LTBP3: variants seen among roughly 807,000 people sequenced by gnomAD.
LTBP3 encodes latent-transforming growth factor beta-binding protein 3.
In LTBP3, 97 loss-of-function variants were observed where a neutral mutation model predicts 159.7. The observed-to-expected ratio is 0.61, with a 90% CI of 0.52 to 0.72. The LOEUF (loss-of-function observed/expected upper bound fraction) is 0.72. LTBP3 is among the 30% of genes least tolerant of loss of function. LTBP3 has a pLI of 0.00. For missense variants in LTBP3, 1,584 were observed against 1,864.3 expected, an observed-to-expected ratio of 0.85 and a Z score of 2.77; for synonymous variants, 824 against 777.1, an observed-to-expected ratio of 1.06 and a Z score of -1.00.
intron 21 of LTBP3, 40 bp from the exon 22 acceptor site, chr11:65,540,654 T>C: frequency 2.0e-6 from 3 of 1,514,598 alleles, no homozygotes; most frequent in Non-Finnish European, 2.7e-6. Flanking sequence ...GTCCCGCAGC[T>C]GCAGCCCGGA....
In LTBP3 at chr11:65,546,387, C is replaced by T. The variant is rs2135138006; in HGVS notation, c.2353+55G>A. ...TTTACAGACAGCGTGACCCGCTCCC[C>T]GGCTTCAGCGCGTAGGGGGCGGCGG... On this transcript the variant is annotated intron_variant, in intron 16 of 27. Transcript: ENST00000301873. The surrounding 1 kb of genome is among the most constrained non-coding windows in gnomAD (Gnocchi z 4.0). 3.4e-6 allele frequency: 5 copies of T among 1,487,884 alleles called. No individual in the cohort carries two copies. Among genetic ancestry groups the T allele is most frequent in the South Asian group, 1.3e-5 (1 of 76,118 alleles). The allele number at this position is 1,487,884 out of a possible 1,614,324, so 92.2% of individuals were successfully genotyped here. A position where few individuals can be genotyped will look rare whatever the true frequency, so the allele number is the denominator to read the frequency against.
Position 65,552,207 on chromosome 11 carries a change from A to G in LTBP3, c.1345+41T>C, listed in dbSNP as rs1856635537. On this transcript the variant is annotated intron_variant, in intron 7 of 27. Coordinates refer to ENST00000301873, the MANE Select transcript of LTBP3 (RefSeq NM_001130144.3). This position sits in a 1 kb window ranked among gnomAD's most constrained non-coding sequence, Gnocchi z 6.0. ...AAGTGAGCATTTCCTGGACAGGTGC[A>G]TGGACCTATGAACCCCTATCCCCGG... is the stretch of plus-strand genomic sequence containing the variant. 2 of 1,614,184 alleles carry G rather than the reference A, an allele frequency of 1.2e-6. No individual in the cohort carries two copies. Among genetic ancestry groups the G allele is most frequent in the African/African-American group, 1.3e-5 (1 of 75,042 alleles).
At position 65,540,825 on chromosome 11, in the gene LTBP3, C is replaced by T. The variant is rs1389509774; in HGVS notation, c.2977+46G>A. ...CCCGGCGGGATCCGGGCGAGCCCAA[C>T]CCGGGGTGAGAGGGCGCGGGGCGGG... is the stretch of plus-strand genomic sequence containing the variant. On this transcript the variant is annotated intron_variant, in intron 21 of 27. Transcript: ENST00000301873. The T allele has an allele frequency of 9.6e-6, 15 of 1,570,030 alleles. No individual in the cohort carries two copies. In the Admixed American group the frequency reaches 2.6e-4, roughly 27 times the overall value.
At chr11:65,540,746 T>TACAGGGCGGGGCCG (rs1856090917) in intron 21 of LTBP3, 125 bp downstream of exon 21, 2 of 1,013,324 alleles carry the variant, frequency 2.0e-6, no homozygotes, top group Non-Finnish European at 2.7e-6. Context: ...GGGCGGGGCC[T>TACAGGGCGGGGCCG]GCGAGGAAGG....
chr11:65,539,071 T>G lies in LTBP3; in HGVS notation c.*9A>C, dbSNP rs1185624041. 8.0e-6 allele frequency: 11 copies of G among 1,371,862 alleles called. No homozygotes were observed. The South Asian group carries it at 1.4e-4, about 18-fold the overall frequency. The allele number at this position is 1,371,862 out of a possible 1,614,324, so 85.0% of individuals were successfully genotyped here. On this transcript the variant is annotated 3_prime_UTR_variant, in exon 28 of 28. Coordinates refer to ENST00000301873, the MANE Select transcript of LTBP3 (RefSeq NM_001130144.3). ...ACCGAGGTCTGGGCCGAGGGCGGCG[T>G]CGGCGGCGTCAGCGGCGGCGCTGGG... is the stretch of plus-strand genomic sequence containing the variant.
At chr11:65,544,453 A>T (rs1317107466) in intron 16 of LTBP3, 1 of 152,454 alleles carries the variant, frequency 6.6e-6, no homozygotes, top group Admixed American at 6.5e-5. Context: ...GGCAATGCCC[A>T]GTCTCTGGTC....
intron 18 of LTBP3, 136 bp from the exon 19 acceptor site, chr11:65,541,864 C>CTGTGCATGTGTCTGAA (rs1446801254): frequency 2.1e-6 from 2 of 971,318 alleles, no homozygotes; most frequent in African/African-American, 3.2e-5. Context: ...TCTGCTGTGT[C>CTGTGCATGTGTCTGAA]TGTGCATGTG....
At chr11:65,541,373 TC>T (rs1856130724) in intron 19 of LTBP3, 80 bp from the exon 20 acceptor site, 4 of 1,540,402 alleles carry the variant, frequency 2.6e-6, no homozygotes, top group Middle Eastern at 2.3e-4. Flanking sequence ...CACAGGTCTT[TC>T]CCCCCACATT....
At chr11:65,542,964 G>GGATA in intron 18 of LTBP3, 141 bp downstream of exon 18, 1 of 1,067,014 alleles carries the variant, frequency 9.4e-7, no homozygotes, top group Non-Finnish European at 1.4e-6. Flanking sequence ...ATGGATGGAT[G>GGATA]GATGGATGGA....
Position 65,538,853 on chromosome 11 carries a change from A to C in LTBP3, c.*227T>G. On this transcript the variant is annotated 3_prime_UTR_variant, in exon 28 of 28. Transcript: ENST00000301873. ...CGATCTGATTTATCAGTTTCTAGGAAACACCCTCTGGGAGGAAGGCAGGCA... is the reference window on the plus strand; with the variant it reads ...CGATCTGATTTATCAGTTTCTAGGACACACCCTCTGGGAGGAAGGCAGGCA... The C allele has an allele frequency of 1.2e-6, 1 of 855,386 alleles. No homozygotes were observed. Among genetic ancestry groups the C allele is most frequent in the East Asian group, 3.2e-5 (1 of 31,534 alleles). The allele number at this position is 855,386 out of a possible 1,614,324, so 53.0% of individuals were successfully genotyped here.
rs377361170 is a variant in LTBP3, at chr11:65,539,711, C to A, written c.3547+9G>T. On this transcript the variant is annotated intron_variant, in intron 25 of 27. Coordinates refer to ENST00000301873, the MANE Select transcript of LTBP3 (RefSeq NM_001130144.3). Reference sequence around the variant, plus strand: ...TCGCTCCCGGCCAACTCCTCCCCGACTGCCTTACCCGCGCCGCGCGGCGGG... The same window carrying A: ...TCGCTCCCGGCCAACTCCTCCCCGAATGCCTTACCCGCGCCGCGCGGCGGG... 2.5e-5 allele frequency: 39 copies of A among 1,558,596 alleles called. No homozygotes were observed. Among genetic ancestry groups the A allele is most frequent in the Non-Finnish European group, 3.3e-5 (38 of 1,159,018 alleles).
At position 65,552,681 on chromosome 11, in the gene LTBP3, G is replaced by A. The variant is rs1856653530; in HGVS notation, c.1186+179C>T. 1.3e-5 allele frequency among the ~76,000 whole-genome samples: 2 copies of A among 152,150 alleles called. No homozygotes were observed. Among genetic ancestry groups the A allele is most frequent in the South Asian group, 4.1e-4 (2 of 4,826 alleles). Reference sequence around the variant, plus strand: ...GACTCTATGTAATCCCTGACCCCATGTGACTGCTAATGGCAGATCTCATGT... The same window carrying A: ...GACTCTATGTAATCCCTGACCCCATATGACTGCTAATGGCAGATCTCATGT... On this transcript the variant is annotated intron_variant, in intron 6 of 27. Transcript: ENST00000301873. The surrounding 1 kb of genome is among the most constrained non-coding windows in gnomAD (Gnocchi z 6.0).
In LTBP3 at chr11:65,552,925, G is replaced by C; in HGVS notation, c.1121C>G (p.Pro374Arg). Residue 374 changes from proline (P) to arginine (R), a missense_variant, in exon 6 of 28, where the codon CCT becomes CGT. Coordinates refer to ENST00000301873, the MANE Select transcript of LTBP3 (RefSeq NM_001130144.3). The surrounding 1 kb of genome is among the most constrained non-coding windows in gnomAD (Gnocchi z 6.0). ...TGGGCAGACACAGCGATAGGAGCCA[G>C]GGTTGTTGAGGCAGTCACCATGGCG... ...VCRHGDCLNN[P>R]GSYRCVCPPG... 6.2e-7 allele frequency: 1 copy of C among 1,614,236 alleles called. No homozygotes were observed. Among genetic ancestry groups the C allele is most frequent in the Non-Finnish European group, 8.5e-7 (1 of 1,180,030 alleles).
chr11:65,553,516 G>A lies in LTBP3; in HGVS notation c.879C>T (p.Pro293=). The change falls in exon 4 of 28, where the codon CCC becomes CCT. Residue 293 remains proline, a synonymous_variant. Transcript: ENST00000301873. The surrounding 1 kb of genome is among the most constrained non-coding windows in gnomAD (Gnocchi z 6.5). The part of the protein sequence containing the change: ...TLPKQPCGSN[P]LPGLTKQEDC... ...CTTCCTGCTTGGTGAGGCCGGGGAGGGGGTTGCTGCCACACTAGGGGAAGG... is the reference window on the plus strand; with the variant it reads ...CTTCCTGCTTGGTGAGGCCGGGGAGAGGGTTGCTGCCACACTAGGGGAAGG... The A allele has an allele frequency of 1.9e-6, 3 of 1,611,108 alleles. No homozygotes were observed. Among genetic ancestry groups the A allele is most frequent in the Non-Finnish European group, 2.5e-6 (3 of 1,178,830 alleles).
Position 65,546,975 on chromosome 11 carries a change from G to A in LTBP3, c.2108-55C>T. On this transcript the variant is annotated intron_variant, in intron 14 of 27. Transcript: ENST00000301873. The surrounding 1 kb of genome is among the most constrained non-coding windows in gnomAD (Gnocchi z 4.0). ...ATCTGGGGACAACGCGGGTGGCCCG[G>A]CTCCCAGCGTCCACAGCAGGGACTT... 1 of 1,602,000 alleles carries A rather than the reference G, an allele frequency of 6.2e-7. No homozygotes were observed. The highest frequency in any genetic ancestry group is 1.7e-4 in the Middle Eastern group (1 of 6,054).
rs765058847 is a variant in LTBP3, at chr11:65,541,116, G to A, written c.2893+10C>T. 6.8e-6 allele frequency: 11 copies of A among 1,611,528 alleles called. No individual in the cohort carries two copies. Among genetic ancestry groups the A allele is most frequent in the African/African-American group, 1.3e-5 (1 of 75,024 alleles). On this transcript the variant is annotated intron_variant, in intron 20 of 27. Coordinates refer to ENST00000301873, the MANE Select transcript of LTBP3 (RefSeq NM_001130144.3). Reference sequence around the variant, plus strand: ...TGAAGATCTGGGAAGGGGCCTGCCCGGCTCCTGACCTGAGCTGTAGACTGG... The same window carrying A: ...TGAAGATCTGGGAAGGGGCCTGCCCAGCTCCTGACCTGAGCTGTAGACTGG...
chr11:65,541,800 A>G, intron 18 of LTBP3, 72 bp from the exon 19 acceptor site: 1 of 1,569,254 alleles, frequency 6.4e-7, no homozygotes, highest in African/African-American at 1.4e-5. Flanking sequence ...AGGGCCTCAC[A>G]CAAGTTCAGA....
At chr11:65,551,840 G>T in intron 8 of LTBP3, 132 bp downstream of exon 8, 2 of 1,113,802 alleles carry the variant, frequency 1.8e-6, no homozygotes, top group South Asian at 1.3e-5. Context: ...AGGGTCAGGT[G>T]GGAGGTCAGT....
In LTBP3 at chr11:65,541,680, G is replaced by A; in HGVS notation, c.2645C>T (p.Ala882Val). 6.2e-7 allele frequency: 1 copy of A among 1,614,100 alleles called. No individual in the cohort carries two copies. Among genetic ancestry groups the A allele is most frequent in the Non-Finnish European group, 8.5e-7 (1 of 1,179,988 alleles). The change falls in exon 19 of 28, where the codon GCC (alanine) becomes GTC (valine). Residue 882 changes from alanine (A) to valine (V), a missense_variant. Ala to Val is a moderately conservative substitution (Grantham distance 64). Coordinates refer to ENST00000301873, the MANE Select transcript of LTBP3 (RefSeq NM_001130144.3). ...QDPSLCLPHGACKNLQGSYVC... is the reference protein window; with the variant it reads ...QDPSLCLPHGVCKNLQGSYVC... ...ATAGGAGCCCTGAAGGTTCTTGCAG[G>A]CCCCATGGGGAAGGCACAGGCTCGG... is the stretch of plus-strand genomic sequence containing the variant.
Sources: allele counts gnomAD v4.1 joint callset (sites outside exome capture counted in the v4.1 genomes callset), GRCh38; gene constraint gnomAD v4.1.1; non-coding constraint Gnocchi (gnomAD v3.1); transcripts MANE v1.5; gene names NCBI Gene and HGNC (gene_info 2026-07-23, HGNC 2026-07-21).